ADAMTS17: variants seen among roughly 807,000 people sequenced by gnomAD.
The protein encoded by ADAMTS17 is A disintegrin and metalloproteinase with thrombospondin motifs 17.
A neutral mutation model predicts 141.5 loss-of-function variants in ADAMTS17; 113 were observed. The observed-to-expected ratio is 0.80, with a 90% CI of 0.69 to 0.93. The LOEUF (loss-of-function observed/expected upper bound fraction) is 0.93, where lower values mean the gene tolerates loss of function less well. ADAMTS17 is among the 40% of genes least tolerant of loss of function. The pLI, the probability that ADAMTS17 is intolerant of heterozygous loss-of-function variation, is 0.00. For synonymous variants in ADAMTS17, 768 were observed against 630.6 expected (o/e 1.22, Z -3.27); for missense variants, 1,659 against 1,517.9 (o/e 1.09, Z -1.54).
At chr15:100,175,770 G>A (rs1258705031) in intron 8 of ADAMTS17, among the ~76,000 whole-genome samples, 2 of 152,072 alleles carry the variant, frequency 1.3e-5, no homozygotes, top group East Asian at 1.9e-4. Context: ...CATTGTCTGT[G>A]TGAACGGTGC....
At chr15:100,002,021 A>G (rs1430295807) in intron 18 of ADAMTS17, among the ~76,000 whole-genome samples, 1 of 150,484 alleles carries the variant, frequency 6.6e-6, no homozygotes, top group East Asian at 1.9e-4. Context: ...AAAAAAGAAA[A>G]AGAAATTTGA....
intron 18 of ADAMTS17, among the ~76,000 whole-genome samples, chr15:100,009,854 C>T (rs2061123963): frequency 6.6e-6 from 1 of 152,178 alleles, no homozygotes; most frequent in Non-Finnish European, 1.5e-5. Flanking sequence ...AGCTGAAGGC[C>T]TCTGAGTACT....
At chr15:100,062,341 CA>C (rs967897433) in intron 15 of ADAMTS17, among the ~76,000 whole-genome samples, 28 of 151,668 alleles carry the variant, frequency 1.8e-4, no homozygotes, top group African/African-American at 5.5e-4. Flanking sequence ...CAGCTTGGGA[CA>C]GGGGGGGATC....
chr15:100,008,970 G>C (rs1218588813), intron 18 of ADAMTS17, among the ~76,000 whole-genome samples: 1 of 152,146 alleles, frequency 6.6e-6, no homozygotes, highest in African/African-American at 2.4e-5. Flanking sequence ...CTACTGCATA[G>C]CTGGGACGAC....
intron 17 of ADAMTS17, among the ~76,000 whole-genome samples, chr15:100,049,249 C>T (rs578011025): frequency 1.6e-4 from 25 of 152,322 alleles, no homozygotes; most frequent in Non-Finnish European, 2.8e-4. Flanking sequence ...CTCAGATCAG[C>T]GGTGTCCTTG....
At chr15:100,091,353 T>C (rs1325815312) in intron 15 of ADAMTS17, among the ~76,000 whole-genome samples, 1 of 152,180 alleles carries the variant, frequency 6.6e-6, no homozygotes, top group Admixed American at 6.5e-5. Flanking sequence ...GCTTTATCTT[T>C]GGAGTGATTT....
intron 18 of ADAMTS17, among the ~76,000 whole-genome samples, chr15:100,023,413 C>A (rs1269932181): frequency 6.6e-6 from 1 of 151,788 alleles, no homozygotes. Context: ...TCACGTTGGT[C>A]AGGCTGGTCT....
At chr15:100,150,601 CG>C (rs1359188572) in intron 10 of ADAMTS17, among the ~76,000 whole-genome samples, 2 of 152,156 alleles carry the variant, frequency 1.3e-5, no homozygotes, top group African/African-American at 2.4e-5. Flanking sequence ...CTCATCCAAC[CG>C]GGATGCAAGT....
intron 10 of ADAMTS17, among the ~76,000 whole-genome samples, chr15:100,145,308 G>A (rs567495236): frequency 1.3e-5 from 2 of 152,278 alleles, no homozygotes; most frequent in African/African-American, 2.4e-5. Flanking sequence ...TATGAATGGG[G>A]TTAAGAGAAC....
intron 7 of ADAMTS17, among the ~76,000 whole-genome samples, chr15:100,228,411 A>G (rs937261002): frequency 1.3e-5 from 2 of 152,198 alleles, no homozygotes; most frequent in Non-Finnish European, 2.9e-5. Context: ...GCACATCACT[A>G]TAATACTGGT....
intron 10 of ADAMTS17, among the ~76,000 whole-genome samples, chr15:100,139,667 GACC>G (rs1212461709): frequency 6.6e-6 from 1 of 152,192 alleles, no homozygotes; most frequent in Non-Finnish European, 1.5e-5. Flanking sequence ...GAGACATAAT[GACC>G]ACATCACCTC....
chr15:100,068,115 T>A (rs1458301577), intron 15 of ADAMTS17, among the ~76,000 whole-genome samples: 1 of 152,144 alleles, frequency 6.6e-6, no homozygotes, highest in East Asian at 1.9e-4. Context: ...ATCCTGCGCA[T>A]GTCTCGGAGG....
intron 18 of ADAMTS17, among the ~76,000 whole-genome samples, chr15:100,004,974 T>C (rs2061010335): frequency 6.6e-6 from 1 of 152,230 alleles, no homozygotes; most frequent in Admixed American, 6.5e-5. Flanking sequence ...CAGGCTGGTC[T>C]TGAACTCCTG....
intron 8 of ADAMTS17, among the ~76,000 whole-genome samples, chr15:100,169,044 T>C (rs563175843): frequency 3.8e-4 from 58 of 152,302 alleles, no homozygotes; most frequent in African/African-American, 1.4e-3. Flanking sequence ...TGACGGTGTA[T>C]CACCACTGTG....
chr15:100,018,805 G>A (rs114385696), intron 18 of ADAMTS17, among the ~76,000 whole-genome samples: 55 of 152,238 alleles, frequency 3.6e-4, no homozygotes, highest in African/African-American at 7.7e-4. Flanking sequence ...AAATGAGGAC[G>A]TGCCCTTTCA....
chr15:100,072,487 C>T (rs1159178330), intron 15 of ADAMTS17, among the ~76,000 whole-genome samples: 16 of 151,510 alleles, frequency 1.1e-4, no homozygotes, highest in East Asian at 9.7e-4. Flanking sequence ...GGAGGCATCA[C>T]GCTACCTGAC....
chr15:100,048,490 A>AC (rs5814949), intron 18 of ADAMTS17, among the ~76,000 whole-genome samples: 47,777 of 151,224 alleles, frequency 0.32, 8,601 homozygotes, highest in East Asian at 0.49. Context: ...GCCTGTGTGC[A>AC]CCTTTCTCCT....
intron 7 of ADAMTS17, among the ~76,000 whole-genome samples, chr15:100,202,394 G>A (rs1431763506): frequency 6.6e-6 from 1 of 152,136 alleles, no homozygotes; most frequent in Non-Finnish European, 1.5e-5. Flanking sequence ...TGCTTTTAAT[G>A]ATTTATTCCA....
intron 20 of ADAMTS17, among the ~76,000 whole-genome samples, chr15:99,978,319 G>C (rs998513098): frequency 3.9e-5 from 6 of 152,276 alleles, no homozygotes; most frequent in Non-Finnish European, 8.8e-5. Context: ...TTTCACTTTA[G>C]AGTGATAAAC....
Sources: allele counts gnomAD v4.1 joint callset (sites outside exome capture counted in the v4.1 genomes callset), GRCh38; gene constraint gnomAD v4.1.1; transcripts MANE v1.5; gene names NCBI Gene and HGNC (gene_info 2026-07-23, HGNC 2026-07-21).